Variants in PYGL observed in about 807,000 individuals in gnomAD.
PYGL encodes the protein glycogen phosphorylase, liver form.
PYGL carries 90 observed loss-of-function variants against 100.1 expected under a neutral mutation model. That is an observed-to-expected ratio of 0.90 (90% CI 0.76 to 1.07). The LOEUF is 1.07. Ranked by LOEUF, PYGL falls within the 50% of genes least tolerant of loss-of-function variation. PYGL has a pLI of 0.00. For missense variants in PYGL, 1,016 were observed against 1,057.6 expected (o/e 0.96, Z 0.55); for synonymous variants, 373 against 393.0 (o/e 0.95, Z 0.60).
intron 12 of PYGL, 187 bp from the exon 13 acceptor site, chr14:50,913,317 C>T: frequency 2.5e-6 from 1 of 396,464 alleles, no homozygotes; most frequent in Non-Finnish European, 4.5e-6. Context: ...TTGCTAGTAT[C>T]TTAAATGTAG....
In PYGL at chr14:50,905,598, G is replaced by A. The variant is rs376017903; in HGVS notation, c.2380-42C>T. On this transcript the variant is annotated intron_variant, in intron 19 of 19. Transcript: ENST00000216392. ...CATATACAGCCCAGAGTCCCAGTGC[G>A]CAGTGAGCTTTATAATAAACATCAG... is the stretch of plus-strand genomic sequence containing the variant. The A allele has an allele frequency of 1.8e-5, 28 of 1,592,786 alleles. No individual in the cohort carries two copies. The East Asian group carries it at 2.9e-4, about 17-fold the overall frequency.
At chr14:50,937,307 A>G (rs2050661986) in intron 2 of PYGL, among the ~76,000 whole-genome samples, 1 of 152,240 alleles carries the variant, frequency 6.6e-6, no homozygotes, top group Admixed American at 6.5e-5. Flanking sequence ...ATGACAACAG[A>G]ATTTTTAAAG....
chr14:50,911,935 G>A, intron 15 of PYGL, 43 bp downstream of exon 15: 1 of 1,613,220 alleles, frequency 6.2e-7, no homozygotes, highest in Non-Finnish European at 8.5e-7. Context: ...AGAATGGCAA[G>A]AGATTAGAGC....
intron 5 of PYGL, among the ~76,000 whole-genome samples, chr14:50,922,375 CCG>C (rs1369577701): frequency 6.6e-6 from 1 of 152,148 alleles, no homozygotes; most frequent in African/African-American, 2.4e-5. Context: ...TTCGTGATCA[CCG>C]CGACCTCAAA....
chr14:50,938,206 A>T (rs1386831217), intron 1 of PYGL, among the ~76,000 whole-genome samples: 1 of 152,170 alleles, frequency 6.6e-6, no homozygotes, highest in African/African-American at 2.4e-5. Context: ...AAAATATTTC[A>T]AAATCTTTTC....
Position 50,909,997 on chromosome 14 carries a change from G to A in PYGL, c.2075C>T (p.Thr692Ile). The change falls in exon 17 of 20, where the codon ACC (threonine) becomes ATC (isoleucine). Residue 692 changes from threonine to isoleucine, a missense_variant. Physicochemically the swap from Thr to Ile is moderately conservative, Grantham distance 89. Transcript: ENST00000216392. ...FMLNGALTIG[T>I]MDGANVEMAE... ...CATTTCCACATTGGCCCCATCCATG[G>A]TCCCGATAGTTAGGGCCCCATTTAG... 6.2e-7 allele frequency: 1 copy of A among 1,614,132 alleles called. No homozygotes were observed.
intron 12 of PYGL, among the ~76,000 whole-genome samples, chr14:50,913,897 G>T (rs2050422201): frequency 6.6e-6 from 1 of 151,818 alleles, no homozygotes; most frequent in African/African-American, 2.4e-5. Flanking sequence ...GGTGGGGGTG[G>T]GTCTCATGTT....
At chr14:50,919,051 A>ACAAG (rs1414482660) in intron 7 of PYGL, among the ~76,000 whole-genome samples, 2 of 152,226 alleles carry the variant, frequency 1.3e-5, no homozygotes, top group Non-Finnish European at 2.9e-5. Flanking sequence ...AAACAAACAA[A>ACAAG]CAAACAAAAA....
intron 1 of PYGL, among the ~76,000 whole-genome samples, chr14:50,942,095 T>C (rs150116545): frequency 4.6e-5 from 7 of 152,326 alleles, no homozygotes; most frequent in African/African-American, 1.7e-4. Flanking sequence ...GGAGAGGAGC[T>C]TGGACACACC....
rs1450079804 is a variant in PYGL at position 50,915,411 on chromosome 14, G to A, written c.1328C>T (p.Ala443Val). The change falls in exon 11 of 20, where the codon GCC becomes GTC. Residue 443 changes from alanine (A) to valine (V), a missense_variant. Coordinates refer to ENST00000216392, the MANE Select transcript of PYGL (RefSeq NM_002863.5). Reference sequence around the variant, plus strand: ...ATGGGAACCGACAATGCAGAGATGGGCCATGTTGATCCTTTTGCTTCCTTC... The same window carrying A: ...ATGGGAACCGACAATGCAGAGATGGACCATGTTGATCCTTTTGCTTCCTTC... ...EEEGSKRINM[A>V]HLCIVGSHAV... is the part of the protein sequence containing the mutation. The A allele has an allele frequency of 1.9e-6, 3 of 1,614,006 alleles. No individual in the cohort carries two copies. The highest frequency in any genetic ancestry group is 1.7e-6 in the Non-Finnish European group (2 of 1,180,012).
In PYGL at chr14:50,937,867, C is replaced by G. The variant is rs748447427; in HGVS notation, c.244-30G>C. 4.5e-6 allele frequency: 7 copies of G among 1,561,098 alleles called. 1 individual carries two copies. The South Asian group carries it at 7.8e-5, about 17-fold the overall frequency. ...AATAAAGAAAAGAGAGATAATGTTT[C>G]CCCCAAGAGATCAACCTCACTTAAC... On this transcript the variant is annotated intron_variant, in intron 1 of 19. Coordinates refer to ENST00000216392, the MANE Select transcript of PYGL (RefSeq NM_002863.5).
chr14:50,913,529 G>A (rs2050419216), intron 12 of PYGL, among the ~76,000 whole-genome samples: 1 of 151,482 alleles, frequency 6.6e-6, no homozygotes, highest in African/African-American at 2.4e-5. Context: ...CTGCCACCAC[G>A]CCTGGCTAAT....
intron 19 of PYGL, chr14:50,908,041 AT>A (rs2142785582): frequency 1.2e-5 from 4 of 341,226 alleles, no homozygotes; most frequent in South Asian, 3.1e-5. Context: ...AAAAAAAAAA[AT>A]TACAACTCCT....
chr14:50,921,035 C>G lies in PYGL; in HGVS notation c.693G>C (p.Val231=), dbSNP rs2050495769. The change falls in exon 6 of 20, where the codon GTG becomes GTC. Residue 231 remains valine (V), a synonymous_variant. Transcript: ENST00000216392. ...TGACAGTGTTATTCATGTAGCCGGG[C>G]ACGGGGGTGTCATATGGCAGAGCCA... ...VVLALPYDTP[V]PGYMNNTVNT... is the part of the protein sequence containing the mutation. 1 of 1,614,038 alleles carries G rather than the reference C, an allele frequency of 6.2e-7. No individual in the cohort carries two copies. The highest frequency in any genetic ancestry group is 1.3e-5 in the African/African-American group (1 of 74,912).
intron 4 of PYGL, among the ~76,000 whole-genome samples, chr14:50,927,776 T>C (rs1348929086): frequency 5.3e-5 from 8 of 152,220 alleles, no homozygotes; most frequent in Non-Finnish European, 8.8e-5. Flanking sequence ...TCATAACAAG[T>C]TGACCTGAGT....
intron 5 of PYGL, 29 bp from the exon 6 acceptor site, chr14:50,921,096 A>G: frequency 6.5e-7 from 1 of 1,533,886 alleles, no homozygotes; most frequent in Non-Finnish European, 9.0e-7. Context: ...GCAGCTGCTC[A>G]TTGTTTCCCA....
chr14:50,916,806 T>C, intron 8 of PYGL, 72 bp from the exon 9 acceptor site: 2 of 1,552,684 alleles, frequency 1.3e-6, no homozygotes, highest in Non-Finnish European at 1.8e-6. Context: ...CTAACACATC[T>C]GGAGAAAGCA....
intron 17 of PYGL, among the ~76,000 whole-genome samples, 175 bp from the exon 18 acceptor site, chr14:50,909,130 G>A (rs1379912287): frequency 6.6e-6 from 1 of 152,196 alleles, no homozygotes; most frequent in African/African-American, 2.4e-5. Flanking sequence ...AGATCTGTAA[G>A]TTTTTCTTCC....
intron 1 of PYGL, 56 bp from the exon 2 acceptor site, chr14:50,937,893 A>C: frequency 2.8e-6 from 4 of 1,453,838 alleles, no homozygotes; most frequent in Non-Finnish European, 3.9e-6. Flanking sequence ...CTCACTTAAC[A>C]TAAAAACACA....
Sources: gnomAD v4.1 joint callset for allele counts (sites outside exome capture counted in the v4.1 genomes callset) on GRCh38, gnomAD v4.1.1 for gene constraint, MANE v1.5 for transcripts, NCBI Gene and HGNC (gene_info 2026-07-23, HGNC 2026-07-21) for gene names.